The following MED12L variants were observed in gnomAD, a reference collection of about 807,000 sequenced individuals.
The protein encoded by MED12L is mediator of RNA polymerase II transcription subunit 12-like protein.
Under a neutral mutation model 281.3 loss-of-function variants are expected in MED12L, and 60 were observed. The ratio of observed to expected loss-of-function variants is 0.21; its 90% CI spans 0.17 to 0.26. MED12L has a LOEUF of 0.26. Ranked by LOEUF, MED12L falls within the 10% of genes least tolerant of loss-of-function variation. MED12L has a pLI of 1.00. For synonymous variants in MED12L, 974 were observed against 987.2 expected, an observed-to-expected ratio of 0.99 and a Z score of 0.25; for missense variants, 2,146 against 2,680.9, an observed-to-expected ratio of 0.80 and a Z score of 4.41.
At chr3:151,119,650 TTA>T (rs1468576988) in intron 3 of MED12L, among the ~76,000 whole-genome samples, 1 of 152,142 alleles carries the variant, frequency 6.6e-6, no homozygotes, top group South Asian at 2.1e-4. Flanking sequence ...TATGAATGCT[TTA>T]TGTCTCTTGA....
At chr3:151,427,684 A>C (rs1719026121) in intron 43 of MED12L, among the ~76,000 whole-genome samples, 1 of 152,206 alleles carries the variant, frequency 6.6e-6, no homozygotes, top group South Asian at 2.1e-4. Context: ...TTTCTGAATA[A>C]GTTGATATTT....
rs1171899045 is a variant in MED12L at position 151,108,476 on chromosome 3, C to T, written c.100-7862C>T. The stretch of plus-strand genomic sequence containing the variant: ...GCCCAGTTTCCCAAACTGGGGTTTA[C>T]AGACATCCTTGGGGGTCTGAGAGAA... On this transcript the variant is annotated intron_variant, in intron 2 of 44. Transcript: ENST00000687756. Among the ~76,000 whole-genome samples the T allele has an allele frequency of 2.6e-5, 4 of 152,170 alleles. No homozygotes were observed. In the South Asian group the frequency reaches 8.3e-4, roughly 32 times the overall value.
chr3:151,166,023 A>T, intron 11 of MED12L, 41 bp downstream of exon 11: 1 of 1,551,036 alleles, frequency 6.4e-7, no homozygotes, highest in Non-Finnish European at 8.8e-7. Flanking sequence ...TTTTATTTTC[A>T]TAGTGTTTTT....
chr3:151,274,500 G>A (rs574073640), intron 16 of MED12L, among the ~76,000 whole-genome samples: 1 of 152,324 alleles, frequency 6.6e-6, no homozygotes, highest in South Asian at 2.1e-4. Flanking sequence ...TTGGGGGCCA[G>A]GAGAGAAAGA....
At chr3:151,337,682 T>G in intron 16 of MED12L, 1 of 889,036 alleles carries the variant, frequency 1.1e-6, no homozygotes, top group Non-Finnish European at 1.7e-6. Flanking sequence ...GAAAATTGCT[T>G]TTGTAATCTT....
chr3:151,201,695 G>A (rs770270363), intron 16 of MED12L, among the ~76,000 whole-genome samples: 3 of 152,180 alleles, frequency 2.0e-5, no homozygotes, highest in Admixed American at 6.5e-5. Context: ...AGGCTTTACC[G>A]ATGTCCTTGG....
At chr3:151,377,260 T>A in intron 30 of MED12L, 82 bp downstream of exon 30, 3 of 1,138,764 alleles carry the variant, frequency 2.6e-6, no homozygotes, top group Non-Finnish European at 3.7e-6. Context: ...GTGATTTTTC[T>A]TTAAGTCATA....
At chr3:151,391,846 A>G (rs1027672001) in intron 38 of MED12L, among the ~76,000 whole-genome samples, 23 of 152,232 alleles carry the variant, frequency 1.5e-4, no homozygotes, top group Non-Finnish European at 2.8e-4. Flanking sequence ...CTGGCTTTAT[A>G]GTAGGCTTTT....
At chr3:151,090,868 C>T (rs535576764) in intron 2 of MED12L, among the ~76,000 whole-genome samples, 15 of 152,112 alleles carry the variant, frequency 9.9e-5, no homozygotes, top group South Asian at 2.1e-4. Flanking sequence ...GGTGAAACCC[C>T]GTCTCTACTA....
intron 11 of MED12L, among the ~76,000 whole-genome samples, chr3:151,179,769 C>T (rs1301233759): frequency 1.3e-5 from 2 of 152,176 alleles, no homozygotes; most frequent in Non-Finnish European, 2.9e-5. Flanking sequence ...TTTAATCAGA[C>T]ATTGAAATCT....
rs1365374999 is a variant in MED12L at position 151,416,440 on chromosome 3, G to A, written c.6408+18G>A. 3 of 1,550,816 alleles carry A rather than the reference G, an allele frequency of 1.9e-6. No individual in the cohort carries two copies. The highest frequency in any genetic ancestry group is 2.6e-6 in the Non-Finnish European group (3 of 1,139,522). ...AGCCCTTGGTAAGGCCTGTTGTTTT[G>A]GAATCAGACATGTGGGTTTCTTCTT... On this transcript the variant is annotated intron_variant, in intron 43 of 44. Transcript: ENST00000687756.
chr3:151,435,846 CCT>C lies in MED12L; in HGVS notation c.*3044_*3045del, dbSNP rs1720110291. ...TTCATTATATATAATAGACCTAGAC[CCT>C]CCCAAGCATTTTCCCATCCCATAAA... is the stretch of plus-strand genomic sequence containing the variant. On this transcript the variant is annotated 3_prime_UTR_variant, in exon 45 of 45. Transcript: ENST00000687756. The C allele has an allele frequency of 6.6e-6, 1 of 151,790 alleles. No individual in the cohort carries two copies. The highest frequency in any genetic ancestry group is 6.6e-5 in the Admixed American group (1 of 15,224). 9.4% of individuals were successfully genotyped at this position (151,790 alleles called of 1,614,324 possible).
At chr3:151,383,407 G>A (rs1269151129) in intron 33 of MED12L, among the ~76,000 whole-genome samples, 2 of 152,216 alleles carry the variant, frequency 1.3e-5, no homozygotes, top group Non-Finnish European at 2.9e-5. Context: ...TAATTGTACA[G>A]CAAACACAAA....
intron 16 of MED12L, among the ~76,000 whole-genome samples, chr3:151,270,557 CTG>C (rs1686742427): frequency 1.3e-5 from 2 of 152,106 alleles, no homozygotes; most frequent in Admixed American, 6.6e-5. Flanking sequence ...GCTCAGAACA[CTG>C]TGTCTCTGCG....
chr3:151,349,943 G>A (rs1330105386), intron 16 of MED12L, 116 bp from the exon 17 acceptor site: 12 of 832,758 alleles, frequency 1.4e-5, no homozygotes, highest in Middle Eastern at 5.0e-4. Flanking sequence ...AAGGGAGGGC[G>A]GGATGCCACC....
intron 5 of MED12L, among the ~76,000 whole-genome samples, chr3:151,129,561 C>G (rs1373376442): frequency 1.3e-5 from 2 of 152,062 alleles, no homozygotes; most frequent in Non-Finnish European, 2.9e-5. Context: ...TAAAGTAATA[C>G]ATTTTCATTA....
chr3:151,177,314 G>T (rs1300737319), intron 11 of MED12L, among the ~76,000 whole-genome samples: 1 of 152,048 alleles, frequency 6.6e-6, no homozygotes, highest in African/African-American at 2.4e-5. Context: ...CCCGTGATGT[G>T]AGCAGCAGCA....
chr3:151,100,221 C>A (rs1254913304), intron 2 of MED12L, among the ~76,000 whole-genome samples: 1 of 152,184 alleles, frequency 6.6e-6, no homozygotes, highest in Non-Finnish European at 1.5e-5. Context: ...ACAGGCATTT[C>A]CAGAGTCAGT....
chr3:151,171,121 T>C (rs934150731), intron 11 of MED12L, among the ~76,000 whole-genome samples: 1 of 152,168 alleles, frequency 6.6e-6, no homozygotes, highest in Non-Finnish European at 1.5e-5. Context: ...TACTCACTTA[T>C]TTGCTTGTTT....
Sources: gnomAD v4.1 joint callset for allele counts (sites outside exome capture counted in the v4.1 genomes callset) on GRCh38, gnomAD v4.1.1 for gene constraint, MANE v1.5 for transcripts, NCBI Gene and HGNC (gene_info 2026-07-23, HGNC 2026-07-21) for gene names.